CYBB: variants seen among roughly 807,000 people sequenced by gnomAD.
CYBB encodes the protein cytochrome b-245 beta chain, also known as NADPH oxidase 2.
A neutral mutation model predicts 46.5 loss-of-function variants in CYBB; 5 were observed. That is an observed-to-expected ratio of 0.11 (90% CI 0.06 to 0.23). The LOEUF is 0.23. Ranked by LOEUF, CYBB falls within the 10% of genes least tolerant of loss-of-function variation. The pLI, the probability that CYBB is intolerant of heterozygous loss-of-function variation, is 1.00. For synonymous variants in CYBB, 183 were observed against 156.7 expected (o/e 1.17, Z -1.26); for missense variants, 307 against 428.3 (o/e 0.72, Z 2.50).
At chrX:37,804,553 A>G (rs1461811834) in intron 9 of CYBB, among the ~76,000 whole-genome samples, 1 of 111,425 alleles carries the variant, frequency 9.0e-6, no homozygotes, top group Non-Finnish European at 1.9e-5. Flanking sequence ...GTAGGTGCTA[A>G]AGAAAGGTTT....
At chrX:37,782,042 A>T (rs1360760565) in intron 1 of CYBB, 46 bp from the exon 2 acceptor site, 10 of 1,031,194 alleles carry the variant, frequency 9.7e-6, no homozygotes, top group Non-Finnish European at 1.4e-5. Flanking sequence ...TGTGGAATCT[A>T]CTGTGGAAAT....
chrX:37,800,530 G>A (rs542327012), intron 7 of CYBB, among the ~76,000 whole-genome samples: 3 of 111,279 alleles, frequency 2.7e-5, no homozygotes, highest in Admixed American at 1.9e-4. Context: ...TCATTTTTTA[G>A]ATAATATTGC....
At chrX:37,781,820 T>TG (rs1411383289) in intron 1 of CYBB, among the ~76,000 whole-genome samples, 1 of 109,843 alleles carries the variant, frequency 9.1e-6, no homozygotes, top group Non-Finnish European at 1.9e-5. Flanking sequence ...AAAAAGGGAG[T>TG]GGGGTAATGT....
At chrX:37,791,480 C>A (rs781790034) in intron 3 of CYBB, among the ~76,000 whole-genome samples, 1 of 111,533 alleles carries the variant, frequency 9.0e-6, no homozygotes, top group African/African-American at 3.3e-5. Context: ...CCTACATGGG[C>A]AGGTGTACCC....
chrX:37,782,417 C>A (rs1928971123), intron 2 of CYBB, among the ~76,000 whole-genome samples: 1 of 112,448 alleles, frequency 8.9e-6, no homozygotes, highest in Admixed American at 9.4e-5. Flanking sequence ...AACCAAGAAC[C>A]ATGTGCCATT....
At chrX:37,787,895 T>C (rs1178729890) in intron 3 of CYBB, among the ~76,000 whole-genome samples, 3 of 111,799 alleles carry the variant, frequency 2.7e-5, no homozygotes, top group Non-Finnish European at 5.6e-5. Context: ...AGAGGGTAGG[T>C]GGGAAAAATT....
At position 37,811,780 on chromosome X, in the gene CYBB, G is replaced by A. The variant is rs1290995772; in HGVS notation, c.*863G>A. 6.3e-5 allele frequency: 7 copies of A among 111,813 alleles called. No homozygotes were observed. Among genetic ancestry groups the A allele is most frequent in the Middle Eastern group, 9.3e-3 (2 of 215 alleles). The allele number at this position is 111,813 out of a possible 1,213,427, so 9.2% of individuals were successfully genotyped here. On this transcript the variant is annotated 3_prime_UTR_variant, in exon 13 of 13. Transcript: ENST00000378588. The stretch of plus-strand genomic sequence containing the variant: ...TGATTCTCCCTAGGGTCAAGAACAG[G>A]CTAAGGATACTAACCAATAGGATTG...
chrX:37,785,360 C>A (rs1556465289), intron 3 of CYBB, among the ~76,000 whole-genome samples: 1 of 112,191 alleles, frequency 8.9e-6, no homozygotes, highest in Non-Finnish European at 1.9e-5. Context: ...CTAACCAAAA[C>A]CAAAAACTAA....
At chrX:37,801,389 C>T (rs1556469876) in intron 8 of CYBB, 41 bp downstream of exon 8, 1 of 910,873 alleles carries the variant, frequency 1.1e-6, no homozygotes, top group Admixed American at 2.2e-5. Context: ...CAGTGTCTAA[C>T]TATATCATGG....
At chrX:37,787,978 C>T (rs1556465887) in intron 3 of CYBB, among the ~76,000 whole-genome samples, 1 of 111,546 alleles carries the variant, frequency 9.0e-6, no homozygotes, top group Non-Finnish European at 1.9e-5. Flanking sequence ...TTTTTCCTTT[C>T]AATATAATAT....
intron 6 of CYBB, among the ~76,000 whole-genome samples, chrX:37,797,191 C>T (rs782652081): frequency 3.6e-5 from 4 of 111,369 alleles, no homozygotes; most frequent in Admixed American, 9.5e-5. Context: ...AAACTACTTG[C>T]TGACTGTGAC....
intron 3 of CYBB, among the ~76,000 whole-genome samples, chrX:37,789,518 A>G (rs1347776394): frequency 2.3e-5 from 2 of 85,401 alleles, no homozygotes; most frequent in African/African-American, 8.9e-5. Context: ...AGGAAGAAAG[A>G]AAGAAAGAAA....
intron 1 of CYBB, among the ~76,000 whole-genome samples, chrX:37,781,016 A>G (rs1000662386): frequency 8.9e-6 from 1 of 112,041 alleles, no homozygotes; most frequent in Admixed American, 9.5e-5. Flanking sequence ...AAAAATAATG[A>G]GTCTTTGAGT....
chrX:37,809,491 G>A, intron 11 of CYBB, 76 bp from the exon 12 acceptor site: 1 of 1,106,137 alleles, frequency 9.0e-7, no homozygotes, highest in Admixed American at 2.6e-5. Flanking sequence ...AGAATAGCTT[G>A]TGAAGGATGT....
chrX:37,800,010 G>A (rs1269309161), intron 7 of CYBB, among the ~76,000 whole-genome samples: 3 of 111,025 alleles, frequency 2.7e-5, no homozygotes, highest in Non-Finnish European at 5.7e-5. Flanking sequence ...ATATGAAGAC[G>A]TAGGATCTTT....
In CYBB at chrX:37,793,769, C is replaced by A. The variant is rs1929244604; in HGVS notation, c.442C>A (p.Gln148Lys). 2 of 1,208,110 alleles carry A rather than the reference C, an allele frequency of 1.7e-6. No homozygotes were observed. The highest frequency in any genetic ancestry group is 2.2e-6 in the Non-Finnish European group (2 of 893,419). ...AGCACTCTCTGAACTTGGAGACAGG[C>A]AAAATGAAAGTTATCTCAATTTTGC... is the stretch of plus-strand genomic sequence containing the variant. The part of the protein sequence containing the change: ...SVALSELGDR[Q>K]NESYLNFARK... Residue 148 changes from glutamine to lysine, a missense_variant, in exon 5 of 13, where the codon CAA becomes AAA. This residue lies in a region of CYBB where 103 missense variants were observed against 150.2 expected (regional missense o/e 0.69). Transcript: ENST00000378588.
At chrX:37,782,676 G>A (rs1367797011) in intron 2 of CYBB, among the ~76,000 whole-genome samples, 22 of 111,829 alleles carry the variant, frequency 2.0e-4, no homozygotes, top group Non-Finnish European at 1.9e-5. Context: ...CTGTTGACTA[G>A]GACAGTAGAG....
intron 12 of CYBB, among the ~76,000 whole-genome samples, chrX:37,810,349 G>A (rs1203989882): frequency 8.9e-6 from 1 of 111,884 alleles, no homozygotes; most frequent in African/African-American, 3.2e-5. Context: ...AAAAGCTGAC[G>A]CCAAGGCTAC....
intron 3 of CYBB, among the ~76,000 whole-genome samples, chrX:37,790,708 A>G (rs782250298): frequency 3.6e-5 from 4 of 111,826 alleles, no homozygotes; most frequent in Non-Finnish European, 7.5e-5. Flanking sequence ...CTGTGCAATT[A>G]TATTTTCTAC....
Sources: gnomAD v4.1 joint callset for allele counts (sites outside exome capture counted in the v4.1 genomes callset) on GRCh38, gnomAD v4.1.1 for gene constraint, gnomAD v4.1.1 regional missense constraint, MANE v1.5 for transcripts, NCBI Gene and HGNC (gene_info 2026-07-23, HGNC 2026-07-21) for gene names.